Variants in CHD6 observed in about 807,000 individuals in gnomAD.
CHD6 encodes the protein chromodomain helicase DNA binding protein 6, also known as ATP-dependent chromatin remodeler CHD6.
CHD6 carries 50 observed loss-of-function variants against 276.9 expected under a neutral mutation model. The ratio of observed to expected loss-of-function variants is 0.18; its 90% confidence interval spans 0.14 to 0.23. The LOEUF is 0.23. CHD6 is among the 10% of genes least tolerant of loss of function. The pLI, the probability that CHD6 is intolerant of heterozygous loss-of-function variation, is 1.00. For missense variants in CHD6, 2,564 were observed against 3,365.8 expected (o/e 0.76, Z 5.89); for synonymous variants, 1,173 against 1,229.3 (o/e 0.95, Z 0.96).
intron 17 of CHD6, among the ~76,000 whole-genome samples, chr20:41,459,925 G>A (rs2048493014): frequency 6.6e-6 from 1 of 152,234 alleles, no homozygotes; most frequent in Admixed American, 6.5e-5. Flanking sequence ...GATAAAATGT[G>A]GGAAAGCTTG....
chr20:41,479,714 A>G (rs2043252774), intron 16 of CHD6, among the ~76,000 whole-genome samples: 1 of 152,170 alleles, frequency 6.6e-6, no homozygotes, highest in African/African-American at 2.4e-5. Context: ...TGGAAAAATT[A>G]CAAAAAATGT....
intron 22 of CHD6, 50 bp from the exon 23 acceptor site, chr20:41,451,155 A>G (rs766764727): frequency 6.5e-7 from 1 of 1,546,950 alleles, no homozygotes; most frequent in Non-Finnish European, 8.9e-7. Flanking sequence ...GGGGGGTGTT[A>G]CACACGGGTT....
intron 5 of CHD6, among the ~76,000 whole-genome samples, chr20:41,511,915 T>A (rs1048727666): frequency 1.3e-5 from 2 of 152,206 alleles, no homozygotes; most frequent in African/African-American, 4.8e-5. Flanking sequence ...CAACAGTAAT[T>A]ACTAGTTCAT....
chr20:41,520,770 T>C (rs1412169263), intron 3 of CHD6, among the ~76,000 whole-genome samples: 1 of 151,996 alleles, frequency 6.6e-6, no homozygotes, highest in African/African-American at 2.4e-5. Flanking sequence ...TGTATACATA[T>C]GTAACTAACC....
rs115194903 is a variant in CHD6, at chr20:41,476,841, C to G, written c.2469-3324G>C. Among the ~76,000 whole-genome samples, 424 of 151,768 alleles carry G rather than the reference C, an allele frequency of 2.8e-3. 4 individuals carry two copies. The highest frequency in any genetic ancestry group is 9.5e-3 in the African/African-American group (392 of 41,400). ...AAAAAGCTAAAAAAATCCCAACACA[C>G]GAATATATGTGTATATATAAACATG... On this transcript the variant is annotated intron_variant, in intron 16 of 36. Transcript: ENST00000373233.
chr20:41,513,092 G>A (rs1204274855), intron 4 of CHD6, 97 bp from the exon 5 acceptor site: 1 of 1,304,518 alleles, frequency 7.7e-7, no homozygotes, highest in Non-Finnish European at 1.1e-6. Context: ...ATGCCAAGGA[G>A]TGCTTTCTTG....
chr20:41,495,552 C>G (rs548819202), intron 8 of CHD6, among the ~76,000 whole-genome samples: 14 of 152,064 alleles, frequency 9.2e-5, no homozygotes, highest in Non-Finnish European at 1.6e-4. Context: ...ATGGTGATGA[C>G]AGTTAAACTA....
intron 1 of CHD6, among the ~76,000 whole-genome samples, chr20:41,602,275 G>A (rs569443610): frequency 3.3e-5 from 5 of 152,162 alleles, no homozygotes; most frequent in South Asian, 2.1e-4. Flanking sequence ...CTTCCTTTCC[G>A]CTACCCCCTC....
In CHD6 at chr20:41,447,893, T is replaced by A. The variant is rs1453707434; in HGVS notation, c.3762A>T (p.Gly1254=). 16 of 1,608,886 alleles carry A rather than the reference T, an allele frequency of 9.9e-6. No homozygotes were observed. Among genetic ancestry groups the A allele is most frequent in the Non-Finnish European group, 1.3e-5 (15 of 1,176,994 alleles). The change falls in exon 24 of 37, where the codon GGA becomes GGT. Residue 1254 remains glycine, a synonymous_variant. Transcript: ENST00000373233. Reference sequence around the variant, plus strand: ...TTCATTTGCTTTACCTGGCAGGAGATCCTTCAAATGCTTTCTCAGCTGCTT... The same window carrying A: ...TTCATTTGCTTTACCTGGCAGGAGAACCTTCAAATGCTTTCTCAGCTGCTT... ...LGEAAEKAFE[G]SPARELDVPL...
At chr20:41,551,559 A>C (rs571122442) in intron 1 of CHD6, among the ~76,000 whole-genome samples, 199 bp from the exon 2 acceptor site, 6 of 152,368 alleles carry the variant, frequency 3.9e-5, no homozygotes, top group Admixed American at 2.0e-4. Context: ...TATTGCACCC[A>C]ATAAAATGAA....
At chr20:41,600,757 T>C (rs577650160) in intron 1 of CHD6, among the ~76,000 whole-genome samples, 5 of 152,278 alleles carry the variant, frequency 3.3e-5, no homozygotes, top group African/African-American at 9.6e-5. Flanking sequence ...AGTCAAGCAA[T>C]TGCAGTCAAA....
chr20:41,500,145 C>T (rs151278857), intron 5 of CHD6, among the ~76,000 whole-genome samples: 190 of 152,194 alleles, frequency 1.2e-3, no homozygotes, highest in African/African-American at 4.4e-3. Context: ...TGCACAATGA[C>T]CTTTTCAGAT....
chr20:41,491,083 G>A (rs2043541769), intron 11 of CHD6, among the ~76,000 whole-genome samples: 3 of 151,906 alleles, frequency 2.0e-5, no homozygotes, highest in South Asian at 2.1e-4. Context: ...GGACATTACC[G>A]CACACCACTG....
intron 17 of CHD6, among the ~76,000 whole-genome samples, chr20:41,466,048 C>A (rs2042912016): frequency 1.3e-5 from 2 of 152,022 alleles, no homozygotes; most frequent in Non-Finnish European, 2.9e-5. Context: ...ACTAAAAATA[C>A]AAAATTAGCT....
intron 1 of CHD6, among the ~76,000 whole-genome samples, chr20:41,602,553 T>G (rs1483118502): frequency 6.6e-6 from 1 of 152,196 alleles, no homozygotes; most frequent in South Asian, 2.1e-4. Flanking sequence ...CTGCCTTTCT[T>G]GCCTCCCTGG....
intron 3 of CHD6, among the ~76,000 whole-genome samples, chr20:41,522,627 T>C (rs1417672410): frequency 6.6e-6 from 1 of 152,102 alleles, no homozygotes; most frequent in Non-Finnish European, 1.5e-5. Context: ...TGTTTGCAAC[T>C]GGTTCAGGAA....
At chr20:41,518,733 C>A (rs1237504166) in intron 3 of CHD6, among the ~76,000 whole-genome samples, 1 of 152,076 alleles carries the variant, frequency 6.6e-6, no homozygotes, top group Non-Finnish European at 1.5e-5. Context: ...CTGATAAAGT[C>A]AAGTTTCAGG....
chr20:41,531,509 G>C lies in CHD6; in HGVS notation c.554+1541C>G, dbSNP rs551101381. On this transcript the variant is annotated intron_variant, in intron 3 of 36. Transcript: ENST00000373233. ...TACTCCATCCACACACTGGAGACTA[G>C]AGTATGCTCACTAGGTTCACTAAGA... Among the ~76,000 whole-genome samples the C allele has an allele frequency of 2.0e-5, 3 of 152,338 alleles. No homozygotes were observed. The South Asian group carries it at 6.2e-4, about 32-fold the overall frequency.
At chr20:41,509,031 C>T (rs1020744510) in intron 5 of CHD6, among the ~76,000 whole-genome samples, 1 of 152,102 alleles carries the variant, frequency 6.6e-6, no homozygotes, top group African/African-American at 2.4e-5. Flanking sequence ...ACAGTTCTAC[C>T]TATGCTAAGC....
Sources: allele counts gnomAD v4.1 joint callset (sites outside exome capture counted in the v4.1 genomes callset), GRCh38; gene constraint gnomAD v4.1.1; transcripts MANE v1.5; gene names NCBI Gene and HGNC (gene_info 2026-07-23, HGNC 2026-07-21).